Variants in PTPRD observed in about 807,000 individuals in gnomAD.
PTPRD encodes receptor-type tyrosine-protein phosphatase delta.
A neutral mutation model predicts 214.5 loss-of-function variants in PTPRD; 34 were observed. The observed-to-expected ratio is 0.16, with a 90% confidence interval of 0.12 to 0.21. The LOEUF is 0.21. Among genes scored for constraint, PTPRD ranks in the 10% least tolerant of loss-of-function variants. The probability of loss-of-function intolerance (pLI) is 1.00; values close to 1 mark genes in which losing one functional copy is unlikely to be tolerated. For missense variants in PTPRD, 2,545 were observed against 2,398.7 expected (o/e 1.06, Z -1.27); for synonymous variants, 1,128 against 845.7 (o/e 1.33, Z -5.79).
At chr9:8,701,643 A>G (rs1209211760) in intron 12 of PTPRD, 1 of 152,164 alleles carries the variant, frequency 6.6e-6, no homozygotes, top group African/African-American at 2.4e-5. Flanking sequence ...GTCTCAAATA[A>G]TAATAATAAT....
chr9:9,852,435 G>T lies in PTPRD; in HGVS notation c.-367-85584C>A, dbSNP rs1438444558. 2.6e-5 allele frequency among the ~76,000 whole-genome samples: 4 copies of T among 151,650 alleles called. No homozygotes were observed. The East Asian group carries it at 7.7e-4, about 29-fold the overall frequency. On this transcript the variant is annotated intron_variant, in intron 5 of 45. Transcript: ENST00000381196. ...GTAGCAGACAAAAACTATTAGATAT[G>T]GAGATTAAGAAAAAAAAGAATAAAA...
At chr9:9,390,121 C>A (rs1039662104) in intron 9 of PTPRD, among the ~76,000 whole-genome samples, 1 of 152,190 alleles carries the variant, frequency 6.6e-6, no homozygotes, top group East Asian at 1.9e-4. Flanking sequence ...AGAGCAGAGG[C>A]CAAAGTCCTC....
chr9:9,953,328 A>G (rs2093620227), intron 4 of PTPRD, among the ~76,000 whole-genome samples: 1 of 152,166 alleles, frequency 6.6e-6, no homozygotes, highest in African/African-American at 2.4e-5. Context: ...CCTGAGCAAA[A>G]GGGATAAAAA....
Position 8,830,861 on chromosome 9 carries a change from T to C in PTPRD, c.-103-96915A>G, listed in dbSNP as rs556148557. On this transcript the variant is annotated intron_variant, in intron 11 of 45. Transcript: ENST00000381196. ...TACTAGAGTGTAAACTGTTGCCTCA[T>C]TTTTCTAACAATTCTCTTCAATTGA... Among the ~76,000 whole-genome samples the C allele has an allele frequency of 5.9e-4, 90 of 152,268 alleles. No homozygotes were observed. In the South Asian group the frequency reaches 0.018, roughly 31 times the overall value.
At chr9:10,417,430 T>C (rs1451616536) in intron 2 of PTPRD, among the ~76,000 whole-genome samples, 1 of 151,878 alleles carries the variant, frequency 6.6e-6, no homozygotes, top group Non-Finnish European at 1.5e-5. Flanking sequence ...CCTAACTCTG[T>C]GCTCTTTCTT....
intron 5 of PTPRD, among the ~76,000 whole-genome samples, chr9:9,771,449 C>T (rs1002503905): frequency 6.6e-6 from 1 of 152,182 alleles, no homozygotes; most frequent in African/African-American, 2.4e-5. Flanking sequence ...AACCATGTCA[C>T]ACATGACAAG....
chr9:8,572,693 A>G (rs1372979848), intron 14 of PTPRD, among the ~76,000 whole-genome samples: 1 of 152,004 alleles, frequency 6.6e-6, no homozygotes, highest in Non-Finnish European at 1.5e-5. Context: ...AATAGATTAT[A>G]TCAAAACCTA....
At chr9:8,573,041 C>T (rs1404924390) in intron 14 of PTPRD, among the ~76,000 whole-genome samples, 5 of 151,930 alleles carry the variant, frequency 3.3e-5, no homozygotes, top group Admixed American at 3.3e-4. Context: ...TATTTTTGTT[C>T]ATGATCTGTT....
At chr9:9,345,658 A>T (rs2048514437) in intron 9 of PTPRD, among the ~76,000 whole-genome samples, 1 of 152,164 alleles carries the variant, frequency 6.6e-6, no homozygotes. Context: ...AATAATCATG[A>T]ATTCTGAAGG....
chr9:8,792,947 G>C (rs2096283404), intron 11 of PTPRD, among the ~76,000 whole-genome samples: 1 of 152,046 alleles, frequency 6.6e-6, no homozygotes, highest in African/African-American at 2.4e-5. Context: ...CATCATTTAA[G>C]ATCTTTACAT....
chr9:9,136,846 C>G (rs758039846), intron 10 of PTPRD, among the ~76,000 whole-genome samples: 1 of 152,092 alleles, frequency 6.6e-6, no homozygotes, highest in Admixed American at 6.6e-5. Context: ...AAAATAAACC[C>G]TATCAGTATT....
At chr9:10,498,596 A>C (rs1178965081) in intron 2 of PTPRD, among the ~76,000 whole-genome samples, 1 of 151,934 alleles carries the variant, frequency 6.6e-6, no homozygotes, top group African/African-American at 2.4e-5. Context: ...TTTTTGTATG[A>C]ACCAACATTT....
chr9:9,461,240 G>C (rs2093629180), intron 8 of PTPRD, among the ~76,000 whole-genome samples: 1 of 151,868 alleles, frequency 6.6e-6, no homozygotes, highest in South Asian at 2.1e-4. Flanking sequence ...CACTATTTAG[G>C]TGATATGTTC....
At chr9:9,626,531 T>C (rs765125238) in intron 7 of PTPRD, among the ~76,000 whole-genome samples, 1 of 151,708 alleles carries the variant, frequency 6.6e-6, no homozygotes, top group Non-Finnish European at 1.5e-5. Context: ...AATGATTTGA[T>C]TAAAAATGGA....
intron 9 of PTPRD, among the ~76,000 whole-genome samples, chr9:9,309,670 A>G (rs1164874577): frequency 2.0e-5 from 3 of 152,172 alleles, no homozygotes; most frequent in African/African-American, 7.2e-5. Flanking sequence ...CATCTTGTCT[A>G]TGCTATCCTG....
chr9:10,134,069 G>C lies in PTPRD; in HGVS notation c.-544-100279C>G, dbSNP rs188858328. 1.2e-3 allele frequency among the ~76,000 whole-genome samples: 188 copies of C among 152,092 alleles called. 3 individuals are homozygous for C. Among genetic ancestry groups the C allele is most frequent in the African/African-American group, 4.4e-3 (183 of 41,456 alleles). On this transcript the variant is annotated intron_variant, in intron 3 of 45. Coordinates refer to ENST00000381196, the MANE Select transcript of PTPRD (RefSeq NM_002839.4). Reference sequence around the variant, plus strand: ...CCATCTACTGAGCAAAATACTCCAGGCCATGGGTGCCATCCCTGCTGCACA... The same window carrying C: ...CCATCTACTGAGCAAAATACTCCAGCCCATGGGTGCCATCCCTGCTGCACA...
intron 5 of PTPRD, among the ~76,000 whole-genome samples, chr9:9,859,585 TTGTCA>T (rs2062261202): frequency 6.6e-6 from 1 of 152,244 alleles, no homozygotes; most frequent in South Asian, 2.1e-4. Flanking sequence ...GAGAATGCTC[TTGTCA>T]TATTTGTATA....
chr9:9,657,766 T>C (rs187097431), intron 7 of PTPRD, among the ~76,000 whole-genome samples: 62 of 152,312 alleles, frequency 4.1e-4, no homozygotes, highest in African/African-American at 1.5e-3. Flanking sequence ...GCTTGCCACA[T>C]GGGGGCAAAC....
chr9:10,571,232 G>A (rs2067330600), intron 2 of PTPRD, among the ~76,000 whole-genome samples: 1 of 151,918 alleles, frequency 6.6e-6, no homozygotes, highest in Admixed American at 6.6e-5. Context: ...TCATACTTGG[G>A]TTTCAGTAGA....
Sources: gnomAD v4.1 joint callset for allele counts (sites outside exome capture counted in the v4.1 genomes callset) on GRCh38, gnomAD v4.1.1 for gene constraint, MANE v1.5 for transcripts, NCBI Gene and HGNC (gene_info 2026-07-23, HGNC 2026-07-21) for gene names.